The following NDFIP1 variants were observed in gnomAD, a reference collection of about 807,000 sequenced individuals.
NDFIP1 encodes NEDD4 family-interacting protein 1.
In NDFIP1, 7 loss-of-function variants were observed where a neutral mutation model predicts 28.8. The observed-to-expected ratio is 0.24, with a 90% CI of 0.14 to 0.46. The LOEUF is 0.46. Among genes scored for constraint, NDFIP1 ranks in the 20% least tolerant of loss-of-function variants. The probability of loss-of-function intolerance (pLI) is 0.99; values close to 1 mark genes in which losing one functional copy is unlikely to be tolerated. For synonymous variants in NDFIP1, 92 were observed against 101.0 expected (o/e 0.91, Z 0.53); for missense variants, 194 against 269.1 (o/e 0.72, Z 1.95).
intron 3 of NDFIP1, among the ~76,000 whole-genome samples, chr5:142,133,427 A>G (rs1184017075): frequency 6.6e-6 from 1 of 152,236 alleles, no homozygotes; most frequent in Non-Finnish European, 1.5e-5. Context: ...CTTGAAAGGT[A>G]GAGATTATAT....
chr5:142,145,480 T>A (rs926298985), intron 7 of NDFIP1, among the ~76,000 whole-genome samples: 10 of 152,148 alleles, frequency 6.6e-5, no homozygotes, highest in Admixed American at 4.6e-4. Context: ...TTGGGGACTG[T>A]GTTAATCATA....
chr5:142,127,561 G>T (rs571414265), intron 1 of NDFIP1, among the ~76,000 whole-genome samples: 1 of 152,206 alleles, frequency 6.6e-6, no homozygotes, highest in Non-Finnish European at 1.5e-5. Context: ...TTATTTCTTA[G>T]CGATGGAGGC....
chr5:142,146,168 A>G (rs1757386759), intron 7 of NDFIP1, among the ~76,000 whole-genome samples: 1 of 152,174 alleles, frequency 6.6e-6, no homozygotes, highest in Non-Finnish European at 1.5e-5. Flanking sequence ...TAGGTAAAGA[A>G]GGCTTAAACT....
chr5:142,132,126 T>G, intron 2 of NDFIP1, 86 bp from the exon 3 acceptor site: 1 of 1,487,678 alleles, frequency 6.7e-7, no homozygotes, highest in Non-Finnish European at 9.1e-7. Flanking sequence ...AGGGAATGGC[T>G]GGGTTTTGTC....
intron 2 of NDFIP1, 74 bp from the exon 3 acceptor site, chr5:142,132,138 G>T: frequency 6.4e-7 from 1 of 1,550,398 alleles, no homozygotes; most frequent in Non-Finnish European, 8.7e-7. Flanking sequence ...GGTTTTGTCT[G>T]CTAGAGTTAG....
intron 6 of NDFIP1, chr5:142,143,224 AC>A (rs1489634605): frequency 6.6e-6 from 1 of 152,060 alleles, no homozygotes; most frequent in Non-Finnish European, 1.5e-5. Context: ...GAATGTTTTT[AC>A]TTTTCTTGAA....
rs182729143 is a variant in NDFIP1 at position 142,136,256 on chromosome 5, A to G, written c.370+439A>G. On this transcript the variant is annotated intron_variant, in intron 4 of 7. Coordinates refer to ENST00000253814, the MANE Select transcript of NDFIP1 (RefSeq NM_030571.4). ...CCATTTATCTTTTTGTGTGCCTCAC[A>G]TAGAAGTGAGCAACCATTTCCTTTA... Among the ~76,000 whole-genome samples, 5 of 152,286 alleles carry G rather than the reference A, an allele frequency of 3.3e-5. No individual in the cohort carries two copies. In the East Asian group the frequency reaches 7.7e-4, roughly 23 times the overall value.
intron 7 of NDFIP1, among the ~76,000 whole-genome samples, chr5:142,145,078 G>T (rs1196059423): frequency 2.0e-5 from 3 of 152,196 alleles, no homozygotes; most frequent in African/African-American, 7.2e-5. Context: ...CTAAATCCCA[G>T]AACCTGGAGA....
rs1024601329 is a variant in NDFIP1 at position 142,152,883 on chromosome 5, A to G, written c.*1155A>G. 4.0e-5 allele frequency: 7 copies of G among 174,316 alleles called. No homozygotes were observed. Among genetic ancestry groups the G allele is most frequent in the African/African-American group, 1.7e-4 (7 of 41,586 alleles). 10.8% of individuals were successfully genotyped at this position (174,316 alleles called of 1,614,324 possible). On this transcript the variant is annotated 3_prime_UTR_variant, in exon 8 of 8. Coordinates refer to ENST00000253814, the MANE Select transcript of NDFIP1 (RefSeq NM_030571.4). ...TTCAGTAGATGCGATTAAAAAACTAATGTTGGGTCAATTTTTTTCTTCATT... is the reference window on the plus strand; with the variant it reads ...TTCAGTAGATGCGATTAAAAAACTAGTGTTGGGTCAATTTTTTTCTTCATT...
At chr5:142,133,942 C>T (rs776773035) in intron 3 of NDFIP1, 2 of 152,134 alleles carry the variant, frequency 1.3e-5, no homozygotes, top group Admixed American at 6.5e-5. Context: ...GATGTGGGCC[C>T]GGAGTTTTGA....
At chr5:142,143,013 C>T (rs1161449855) in intron 6 of NDFIP1, 3 of 139,068 alleles carry the variant, frequency 2.2e-5, no homozygotes, top group African/African-American at 5.5e-5. Flanking sequence ...GCCCAATATT[C>T]GGGTCATTTT....
chr5:142,149,394 C>T (rs166079), intron 7 of NDFIP1, among the ~76,000 whole-genome samples: 101,371 of 149,604 alleles, frequency 0.68, 34,532 homozygotes, highest in African/African-American at 0.78. Context: ...AACTGGTTGT[C>T]TTCCTCTTGG....
intron 1 of NDFIP1, among the ~76,000 whole-genome samples, chr5:142,110,617 G>GA (rs958044770): frequency 3.3e-5 from 5 of 151,662 alleles, no homozygotes; most frequent in Non-Finnish European, 7.4e-5. Flanking sequence ...AAAAAAAAGA[G>GA]AAAAAAATCT....
At chr5:142,135,417 A>T (rs927045486) in intron 3 of NDFIP1, among the ~76,000 whole-genome samples, 1 of 152,214 alleles carries the variant, frequency 6.6e-6, no homozygotes, top group African/African-American at 2.4e-5. Flanking sequence ...AAGAGTAAAT[A>T]GTTCTTTGTG....
intron 6 of NDFIP1, 70 bp downstream of exon 6, chr5:142,140,699 G>A: frequency 8.1e-7 from 1 of 1,232,912 alleles, no homozygotes; most frequent in South Asian, 1.3e-5. Context: ...ATTACTTGTA[G>A]TAAATGTTCA....
rs14449 is a variant in NDFIP1 at position 142,152,661 on chromosome 5, C to T, written c.*933C>T. 3,908 of 154,726 alleles carry T rather than the reference C, an allele frequency of 0.025. 74 individuals are homozygous for T. Among genetic ancestry groups the T allele is most frequent in the Non-Finnish European group, 0.037 (2,578 of 69,468 alleles). The allele number at this position is 154,726 out of a possible 1,614,324, so 9.6% of individuals were successfully genotyped here. A position where few individuals can be genotyped will look rare whatever the true frequency, so the allele number is the denominator to read the frequency against. On this transcript the variant is annotated 3_prime_UTR_variant, in exon 8 of 8. Transcript: ENST00000253814. ...TGCTTTTACAATGTGTTAGCAGAAA[C>T]CAGTGGGTTATAATGTAGAATGATG...
At position 142,124,547 on chromosome 5, in the gene NDFIP1, A is replaced by G. The variant is rs533566696; in HGVS notation, c.64-7261A>G. ...ATTAACAGTGATGATAACCACAAAA[A>G]TTTTAAATAGAAAGCTTTACAAACG... On this transcript the variant is annotated intron_variant, in intron 1 of 7. Transcript: ENST00000253814. 3.9e-5 allele frequency among the ~76,000 whole-genome samples: 6 copies of G among 152,336 alleles called. 1 individual carries two copies. The highest frequency in any genetic ancestry group is 1.4e-4 in the African/African-American group (6 of 41,576).
intron 1 of NDFIP1, among the ~76,000 whole-genome samples, chr5:142,112,348 G>A (rs1032295945): frequency 6.6e-6 from 1 of 151,746 alleles, no homozygotes; most frequent in Non-Finnish European, 1.5e-5. Context: ...TCGTGCCACT[G>A]CACTCCTGCC....
At chr5:142,114,277 A>G (rs1757043165) in intron 1 of NDFIP1, among the ~76,000 whole-genome samples, 1 of 152,054 alleles carries the variant, frequency 6.6e-6, no homozygotes, top group Non-Finnish European at 1.5e-5. Context: ...GTGAAGTGGT[A>G]TCTCATTGCA....
Sources: allele counts gnomAD v4.1 joint callset (sites outside exome capture counted in the v4.1 genomes callset), GRCh38; gene constraint gnomAD v4.1.1; transcripts MANE v1.5; gene names NCBI Gene and HGNC (gene_info 2026-07-23, HGNC 2026-07-21).